ZC3H14: variants seen among roughly 807,000 people sequenced by gnomAD.
ZC3H14 encodes zinc finger CCCH domain-containing protein 14.
Under a neutral mutation model 92.4 loss-of-function variants are expected in ZC3H14, and 31 were observed. The observed-to-expected ratio is 0.34, with a 90% CI of 0.25 to 0.45. ZC3H14 has a LOEUF of 0.45. ZC3H14 is among the 20% of genes least tolerant of loss of function. The probability of loss-of-function intolerance (pLI) is 1.00; values close to 1 mark genes in which losing one functional copy is unlikely to be tolerated. For synonymous variants in ZC3H14, 321 were observed against 300.9 expected, an observed-to-expected ratio of 1.07 and a Z score of -0.69; for missense variants, 781 against 897.3, an observed-to-expected ratio of 0.87 and a Z score of 1.66.
chr14:88,567,951 A>T, intron 2 of ZC3H14, 88 bp from the exon 3 acceptor site: 1 of 1,064,586 alleles, frequency 9.4e-7, no homozygotes, highest in Non-Finnish European at 1.4e-6. Flanking sequence ...TCTAAAGCTT[A>T]GAGCTACATC....
chr14:88,616,367 TGATTA>T lies in ZC3H14; in HGVS notation c.*4619_*4623del. The T allele has an allele frequency of 1.1e-6, 1 of 905,080 alleles. No homozygotes were observed. The highest frequency in any genetic ancestry group is 1.5e-5 in the South Asian group (1 of 65,004). The allele number at this position is 905,080 out of a possible 1,614,324, so 56.1% of individuals were successfully genotyped here. A position where few individuals can be genotyped will look rare whatever the true frequency, so the allele number is the denominator to read the frequency against. On this transcript the variant is annotated 3_prime_UTR_variant, in exon 17 of 17. Coordinates refer to ENST00000251038, the MANE Select transcript of ZC3H14 (RefSeq NM_024824.5). The stretch of plus-strand genomic sequence containing the variant: ...AGTAGGGAGTTAGCACCGCAGCCAG[TGATTA>T]GAATGCTTTTCAGCATGAGTAGTGG...
intron 12 of ZC3H14, among the ~76,000 whole-genome samples, chr14:88,603,460 C>T (rs1429746415): frequency 6.6e-6 from 1 of 152,176 alleles, no homozygotes; most frequent in East Asian, 1.9e-4. Context: ...CTATTTCTAC[C>T]TCAGTGAAAT....
Position 88,609,777 on chromosome 14 carries a change from A to T in ZC3H14, c.2071A>T (p.Met691Leu), listed in dbSNP as rs770380447. The T allele has an allele frequency of 6.2e-7, 1 of 1,614,170 alleles. No homozygotes were observed. Among genetic ancestry groups the T allele is most frequent in the Non-Finnish European group, 8.5e-7 (1 of 1,180,016 alleles). Reference sequence around the variant, plus strand: ...CCGTTACTTCCCTGCTTGTAAGAAGATGGAATGTCCCTTCTATCATCCAAA... The same window carrying T: ...CCGTTACTTCCCTGCTTGTAAGAAGTTGGAATGTCCCTTCTATCATCCAAA... ...LCRYFPACKK[M>L]ECPFYHPKHC... is the part of the protein sequence containing the mutation. Residue 691 changes from methionine (M) to leucine (L), a missense_variant, in exon 15 of 17, where the codon ATG becomes TTG. Coordinates refer to ENST00000251038, the MANE Select transcript of ZC3H14 (RefSeq NM_024824.5).
At chr14:88,594,137 A>G (rs1419581174) in intron 9 of ZC3H14, among the ~76,000 whole-genome samples, 1 of 152,248 alleles carries the variant, frequency 6.6e-6, no homozygotes, top group African/African-American at 2.4e-5. Context: ...ATAATGTTAT[A>G]TACTAATTTC....
Position 88,575,919 on chromosome 14 carries a change from A to G in ZC3H14, c.1102A>G (p.Lys368Glu). The G allele has an allele frequency of 6.2e-7, 1 of 1,612,794 alleles. No individual in the cohort carries two copies. Among genetic ancestry groups the G allele is most frequent in the Non-Finnish European group, 8.5e-7 (1 of 1,178,888 alleles). Residue 368 changes from lysine (K) to glutamate (E), a missense_variant, in exon 8 of 17, where the codon AAA (lysine) becomes GAA (glutamate). Coordinates refer to ENST00000251038, the MANE Select transcript of ZC3H14 (RefSeq NM_024824.5). Reference sequence around the variant, plus strand: ...ATCTGAAGCTCAAGAATCCGTAACAAAAACAACTAACTACTCTACAGGTAA... The same window carrying G: ...ATCTGAAGCTCAAGAATCCGTAACAGAAACAACTAACTACTCTACAGGTAA... ...AISEAQESVT[K>E]TTNYSTVPQK...
Position 88,619,764 on chromosome 14 carries a change from A to C in ZC3H14, c.*8013A>C, listed in dbSNP as rs2088532883. ...GGCGCAACCTCCGCCTCCCGGGTTCAAGCGATTCTCCTGTTTCAGCCCCCT... is the reference window on the plus strand; with the variant it reads ...GGCGCAACCTCCGCCTCCCGGGTTCCAGCGATTCTCCTGTTTCAGCCCCCT... On this transcript the variant is annotated 3_prime_UTR_variant, in exon 17 of 17. Transcript: ENST00000251038. 6.6e-6 allele frequency: 1 copy of C among 152,110 alleles called. No homozygotes were observed. The highest frequency in any genetic ancestry group is 2.4e-5 in the African/African-American group (1 of 41,428). 9.4% of individuals were successfully genotyped at this position (152,110 alleles called of 1,614,324 possible).
At position 88,563,168 on chromosome 14, in the gene ZC3H14, G is replaced by T; in HGVS notation, c.35G>T (p.Arg12Leu). Residue 12 changes from arginine (R) to leucine (L), a missense_variant and splice_region_variant, in exon 1 of 17, where the codon CGG becomes CTG. This residue lies in a region of ZC3H14 where 106 missense variants were observed against 154.2 expected (regional missense o/e 0.69). Coordinates refer to ENST00000251038, the MANE Select transcript of ZC3H14 (RefSeq NM_024824.5). ...EIGTEISRKI[R>L]SAIKGKLQEL... ...GGCACCGAGATCAGCCGCAAGATCC[G>T]GGTGAGGCCCGTGCCGGTCGGGGGT... 2 of 1,604,326 alleles carry T rather than the reference G, an allele frequency of 1.2e-6. No individual in the cohort carries two copies. Among genetic ancestry groups the T allele is most frequent in the East Asian group, 2.2e-5 (1 of 44,458 alleles).
chr14:88,587,425 C>T (rs2082591776), intron 9 of ZC3H14, among the ~76,000 whole-genome samples: 1 of 152,156 alleles, frequency 6.6e-6, no homozygotes, highest in African/African-American at 2.4e-5. Flanking sequence ...CTTGTCCTCC[C>T]AAAGTGCTGG....
At chr14:88,610,407 A>T (rs1449620945) in intron 15 of ZC3H14, among the ~76,000 whole-genome samples, 2 of 152,124 alleles carry the variant, frequency 1.3e-5, no homozygotes, top group African/African-American at 4.8e-5. Context: ...TTGTGTCTCA[A>T]GGTTAAGTCC....
intron 12 of ZC3H14, among the ~76,000 whole-genome samples, chr14:88,605,563 A>C (rs1373344024): frequency 6.6e-6 from 1 of 152,188 alleles, no homozygotes; most frequent in Non-Finnish European, 1.5e-5. Flanking sequence ...GAAACTCCTG[A>C]GCTCAAGTGA....
At chr14:88,567,758 A>G (rs1417439854) in intron 2 of ZC3H14, 2 of 424,410 alleles carry the variant, frequency 4.7e-6, no homozygotes, top group African/African-American at 4.1e-5. Context: ...AAGCATTATT[A>G]AAAAGATTCA....
chr14:88,607,190 G>GTAC, intron 12 of ZC3H14, 53 bp from the exon 13 acceptor site: 1 of 1,613,242 alleles, frequency 6.2e-7, no homozygotes, highest in East Asian at 2.2e-5. Context: ...AAGGTGCTGT[G>GTAC]TACTGAATTG....
rs1025670077 is a variant in ZC3H14, at chr14:88,592,906, G to A, written c.1280-3828G>A. Among the ~76,000 whole-genome samples the A allele has an allele frequency of 5.9e-5, 9 of 151,740 alleles. 1 individual carries two copies. The South Asian group carries it at 1.0e-3, about 18-fold the overall frequency. On this transcript the variant is annotated intron_variant, in intron 9 of 16. Coordinates refer to ENST00000251038, the MANE Select transcript of ZC3H14 (RefSeq NM_024824.5). ...TTGGGGAGTAAACCAAAGTAAAAAC[G>A]TCCTTTGTCAAATTAAGGACCTTAC...
intron 9 of ZC3H14, among the ~76,000 whole-genome samples, chr14:88,581,175 G>A (rs562705138): frequency 6.6e-6 from 1 of 152,162 alleles, no homozygotes; most frequent in South Asian, 2.1e-4. Context: ...TTCTAGTTCT[G>A]TCTACTAGAA....
At chr14:88,565,570 G>A (rs183451947) in intron 2 of ZC3H14, among the ~76,000 whole-genome samples, 2 of 152,260 alleles carry the variant, frequency 1.3e-5, no homozygotes, top group African/African-American at 4.8e-5. Flanking sequence ...ACAAAATTAT[G>A]CAGTGGATTA....
In ZC3H14 at chr14:88,607,232, T is replaced by TC; in HGVS notation, c.1748-8dup. ...ATGAATGAAATACTTTTATTTCCTTTCCCTTTGTAGCTGAGATGAGTGAAC... is the reference window on the plus strand; with the variant it reads ...ATGAATGAAATACTTTTATTTCCTTTCCCCTTTGTAGCTGAGATGAGTGAAC... On this transcript the variant is annotated splice_polypyrimidine_tract_variant and intron_variant, in intron 12 of 16. Coordinates refer to ENST00000251038, the MANE Select transcript of ZC3H14 (RefSeq NM_024824.5). 1.2e-6 allele frequency: 2 copies of TC among 1,614,056 alleles called. No individual in the cohort carries two copies. Among genetic ancestry groups the TC allele is most frequent in the Non-Finnish European group, 1.7e-6 (2 of 1,179,946 alleles).
chr14:88,598,161 C>G (rs1295181866), intron 10 of ZC3H14, among the ~76,000 whole-genome samples: 1 of 151,988 alleles, frequency 6.6e-6, no homozygotes, highest in Non-Finnish European at 1.5e-5. Context: ...GGTGGTCTTA[C>G]ATTTAAGAGT....
intron 4 of ZC3H14, 59 bp from the exon 5 acceptor site, chr14:88,571,971 A>G: frequency 1.5e-6 from 2 of 1,332,502 alleles, no homozygotes; most frequent in Non-Finnish European, 2.0e-6. Context: ...TCAAAAATAA[A>G]TAAATAAATA....
chr14:88,578,044 C>G lies in ZC3H14; in HGVS notation c.1183C>G (p.Leu395Val). 6.2e-7 allele frequency: 1 copy of G among 1,614,112 alleles called. No individual in the cohort carries two copies. The highest frequency in any genetic ancestry group is 8.5e-7 in the Non-Finnish European group (1 of 1,180,004). The change falls in exon 9 of 17, where the codon CTA becomes GTA. Residue 395 changes from leucine (L) to valine (V), a missense_variant. This residue lies in a region of ZC3H14 where 454 missense variants were observed against 438.5 expected (regional missense o/e 1.04). Transcript: ENST00000251038. ...AACTCGAACTTCTCAAGAAGAATTGCTAGCAGAAGTGGTCCAGGGACAAAG... is the reference window on the plus strand; with the variant it reads ...AACTCGAACTTCTCAAGAAGAATTGGTAGCAGAAGTGGTCCAGGGACAAAG... Reference protein sequence around the residue: ...PRTRTSQEELLAEVVQGQSRT... With the variant: ...PRTRTSQEELVAEVVQGQSRT...
Sources: gnomAD v4.1 joint callset for allele counts (sites outside exome capture counted in the v4.1 genomes callset) on GRCh38, gnomAD v4.1.1 for gene constraint, gnomAD v4.1.1 regional missense constraint, MANE v1.5 for transcripts, NCBI Gene and HGNC (gene_info 2026-07-23, HGNC 2026-07-21) for gene names.